DAPK2: variants seen among roughly 807,000 people sequenced by gnomAD.
DAPK2 encodes the protein death-associated protein kinase 2.
A neutral mutation model predicts 44.1 loss-of-function variants in DAPK2; 35 were observed. The observed-to-expected ratio is 0.79, with a 90% confidence interval of 0.61 to 1.05. DAPK2 has a LOEUF of 1.05. Among genes scored for constraint, DAPK2 ranks in the 50% least tolerant of loss-of-function variants. The pLI, the probability that DAPK2 is intolerant of heterozygous loss-of-function variation, is 0.00. For synonymous variants in DAPK2, 174 were observed against 182.6 expected (o/e 0.95, Z 0.38); for missense variants, 453 against 483.2 (o/e 0.94, Z 0.59).
rs1350471847 is a variant in DAPK2, at chr15:64,046,123, CG to C, written c.-7+174del. Among the ~76,000 whole-genome samples the C allele has an allele frequency of 6.6e-6, 1 of 151,930 alleles. No individual in the cohort carries two copies. Among genetic ancestry groups the C allele is most frequent in the Non-Finnish European group, 1.5e-5 (1 of 67,926 alleles). On this transcript the variant is annotated intron_variant, in intron 1 of 11. Transcript: ENST00000457488. The surrounding 1 kb of genome is among the most constrained non-coding windows in gnomAD (Gnocchi z 5.3). ...GGCAGCGGCGGGCAGCTCCCGCGCTCGGGTGCCGGCCACAATGCCCCGGGCC... is the reference window on the plus strand; with the variant it reads ...GGCAGCGGCGGGCAGCTCCCGCGCTCGGTGCCGGCCACAATGCCCCGGGCC...
intron 1 of DAPK2, among the ~76,000 whole-genome samples, chr15:64,032,062 C>T (rs543320765): frequency 6.6e-6 from 1 of 152,240 alleles, no homozygotes; most frequent in East Asian, 1.9e-4. Context: ...GTGTTAAGCA[C>T]TTATCAAGTA....
chr15:64,004,796 C>A (rs1224025676), intron 1 of DAPK2, among the ~76,000 whole-genome samples: 2 of 152,162 alleles, frequency 1.3e-5, no homozygotes, highest in Non-Finnish European at 2.9e-5. Context: ...AAGGACACAA[C>A]CCAATGATCC....
intron 10 of DAPK2, chr15:63,911,678 GT>G (rs1003097107): frequency 5.2e-6 from 3 of 577,390 alleles, no homozygotes; most frequent in Non-Finnish European, 9.3e-6. Context: ...TCCTCCAGGA[GT>G]TCATGCTGCT....
intron 1 of DAPK2, among the ~76,000 whole-genome samples, chr15:64,045,785 C>T (rs769857834): frequency 1.3e-5 from 2 of 152,216 alleles, no homozygotes; most frequent in Non-Finnish European, 1.5e-5. Flanking sequence ...GCTGGCCGCC[C>T]CCACGCCCAT....
chr15:64,011,397 C>A (rs1273171481), intron 1 of DAPK2, among the ~76,000 whole-genome samples: 2 of 152,126 alleles, frequency 1.3e-5, no homozygotes, highest in Non-Finnish European at 1.5e-5. Flanking sequence ...CCATCTCTAA[C>A]TAAAAATACA....
At chr15:63,925,350 G>C (rs1489135295) in intron 7 of DAPK2, among the ~76,000 whole-genome samples, 1 of 152,126 alleles carries the variant, frequency 6.6e-6, no homozygotes, top group Non-Finnish European at 1.5e-5. Context: ...CTGTGGGATG[G>C]AGAGGACATG....
At chr15:63,985,940 G>A (rs989926199) in intron 1 of DAPK2, among the ~76,000 whole-genome samples, 4 of 152,310 alleles carry the variant, frequency 2.6e-5, no homozygotes, top group Admixed American at 6.5e-5. Flanking sequence ...AGTGGTGACC[G>A]GGGCAGGCCC....
chr15:63,944,451 C>T (rs2077397862), intron 3 of DAPK2, among the ~76,000 whole-genome samples: 5 of 152,204 alleles, frequency 3.3e-5, no homozygotes, highest in Admixed American at 2.6e-4. Flanking sequence ...AGACAGGCTT[C>T]CTTCTTGCTG....
chr15:64,036,322 T>TATATATATAC (rs1567290114), intron 1 of DAPK2, among the ~76,000 whole-genome samples: 2 of 116,082 alleles, frequency 1.7e-5, no homozygotes, highest in Non-Finnish European at 3.6e-5. Context: ...TATATATGTA[T>TATATATATAC]ATATATATAT....
chr15:63,945,355 G>A (rs958780613), intron 3 of DAPK2, among the ~76,000 whole-genome samples: 6 of 152,172 alleles, frequency 3.9e-5, no homozygotes, highest in African/African-American at 7.2e-5. Flanking sequence ...CCCCTGTGGC[G>A]TCTTGCATCC....
At chr15:63,926,449 G>A (rs2079271918) in intron 6 of DAPK2, among the ~76,000 whole-genome samples, 1 of 152,152 alleles carries the variant, frequency 6.6e-6, no homozygotes, top group Non-Finnish European at 1.5e-5. Context: ...GAGGCCCAGT[G>A]CAGCTTCACG....
chr15:63,924,963 G>C, intron 7 of DAPK2, 102 bp from the exon 9 acceptor site: 1 of 1,275,448 alleles, frequency 7.8e-7, no homozygotes, highest in Non-Finnish European at 1.1e-6. Flanking sequence ...GGCATTATTT[G>C]GCCACTGCCG....
At chr15:63,931,752 G>A (rs2076958879) in intron 4 of DAPK2, among the ~76,000 whole-genome samples, 2 of 152,180 alleles carry the variant, frequency 1.3e-5, no homozygotes, top group African/African-American at 4.8e-5. Flanking sequence ...AGAGGGTGCA[G>A]AGACTAGGAG....
At chr15:63,975,937 G>A (rs986927178) in intron 2 of DAPK2, among the ~76,000 whole-genome samples, 1 of 152,106 alleles carries the variant, frequency 6.6e-6, no homozygotes, top group African/African-American at 2.4e-5. Flanking sequence ...ACCCAACTTT[G>A]GGGATCATTC....
Position 63,912,073 on chromosome 15 carries a change from C to G in DAPK2, c.948+35G>C, listed in dbSNP as rs4569204. 0.037 allele frequency: 58,792 copies of G among 1,588,008 alleles called. 1,527 individuals are homozygous for G. The highest frequency in any genetic ancestry group is 0.12 in the South Asian group (10,307 of 88,482). ...GAGCCAGAAACCCCGCCCTAGCCCCCACCCTGTCCCCCGCCGCCCCAACCC... is the reference window on the plus strand; with the variant it reads ...GAGCCAGAAACCCCGCCCTAGCCCCGACCCTGTCCCCCGCCGCCCCAACCC... On this transcript the variant is annotated intron_variant, in intron 9 of 10. Transcript: ENST00000261891. This position sits in a 1 kb window ranked among gnomAD's most constrained non-coding sequence, Gnocchi z 4.4.
At chr15:63,959,255 C>A (rs375500482) in intron 3 of DAPK2, among the ~76,000 whole-genome samples, 2 of 152,292 alleles carry the variant, frequency 1.3e-5, no homozygotes, top group East Asian at 1.9e-4. Context: ...AGATTTTGGG[C>A]TGAGATGATG....
chr15:63,935,134 AG>A (rs1389322557), intron 4 of DAPK2, among the ~76,000 whole-genome samples: 1 of 135,816 alleles, frequency 7.4e-6, no homozygotes, highest in Non-Finnish European at 1.5e-5. Context: ...TCTGTCGTCT[AG>A]GCTAGAGTGC....
intron 1 of DAPK2, among the ~76,000 whole-genome samples, chr15:63,996,977 C>T (rs575128036): frequency 1.3e-5 from 2 of 152,202 alleles, no homozygotes; most frequent in South Asian, 4.1e-4. Context: ...GCCCACAAGC[C>T]TGGAGGGCTG....
intron 1 of DAPK2, among the ~76,000 whole-genome samples, chr15:63,985,181 G>C (rs2078635023): frequency 6.8e-6 from 1 of 146,232 alleles, no homozygotes; most frequent in Non-Finnish European, 1.5e-5. Flanking sequence ...GAAGATCCTG[G>C]GGGCTGGACT....
Sources: gnomAD v4.1 joint callset for allele counts (sites outside exome capture counted in the v4.1 genomes callset) on GRCh38, gnomAD v4.1.1 for gene constraint, Gnocchi (gnomAD v3.1) non-coding constraint, MANE v1.5 for transcripts, NCBI Gene and HGNC (gene_info 2026-07-23, HGNC 2026-07-21) for gene names.